Variants in SEC14L1 observed in about 807,000 individuals in gnomAD.
SEC14L1 encodes the protein SEC14-like protein 1.
Under a neutral mutation model 85.3 loss-of-function variants are expected in SEC14L1, and 48 were observed. The ratio of observed to expected loss-of-function variants is 0.56; its 90% CI spans 0.45 to 0.72. SEC14L1 has a LOEUF of 0.72. Ranked by LOEUF, SEC14L1 falls within the 30% of genes least tolerant of loss-of-function variation. SEC14L1 has a pLI of 0.00. For missense variants in SEC14L1, 682 were observed against 921.4 expected (o/e 0.74, Z 3.36); for synonymous variants, 391 against 355.5 (o/e 1.10, Z -1.12).
At chr17:77,145,578 G>GT (rs1480413858) in intron 3 of SEC14L1, among the ~76,000 whole-genome samples, 5 of 152,130 alleles carry the variant, frequency 3.3e-5, no homozygotes, top group Non-Finnish European at 1.5e-5. Context: ...ATTTTATGTT[G>GT]TTGACTTACC....
chr17:77,138,362 C>G (rs963952894), upstream of SEC14L1, among the ~76,000 whole-genome samples: 1 of 152,122 alleles, frequency 6.6e-6, no homozygotes. Flanking sequence ...TGGTTCACTC[C>G]TGTAATACCA....
At chr17:77,164,874 C>G (rs1370480328) in intron 3 of SEC14L1, among the ~76,000 whole-genome samples, 2 of 152,210 alleles carry the variant, frequency 1.3e-5, no homozygotes, top group Admixed American at 6.5e-5. Context: ...CCTCCCAGAA[C>G]TGTGGGAACA....
chr17:77,215,372 G>A lies in SEC14L1; in HGVS notation c.*1349G>A, dbSNP rs529215030. Reference sequence around the variant, plus strand: ...AACACGTGTTTCTGTGTGCAGCAGAGGCCGTGTTTTTCATGCCAAACCCCA... The same window carrying A: ...AACACGTGTTTCTGTGTGCAGCAGAAGCCGTGTTTTTCATGCCAAACCCCA... On this transcript the variant is annotated 3_prime_UTR_variant, in exon 17 of 17. Coordinates refer to ENST00000436233, the MANE Select transcript of SEC14L1 (RefSeq NM_001143998.2). 1.1e-4 allele frequency: 110 copies of A among 985,444 alleles called. No homozygotes were observed. In the African/African-American group the frequency reaches 1.9e-3, roughly 17 times the overall value. The allele number at this position is 985,444 out of a possible 1,614,324, so 61.0% of individuals were successfully genotyped here.
chr17:77,092,856 G>A (rs574588782), intron 2 of SEC14L1, among the ~76,000 whole-genome samples: 1 of 151,598 alleles, frequency 6.6e-6, no homozygotes, highest in South Asian at 2.1e-4. Context: ...GCTGAGGCAG[G>A]AGAATTGCTT....
intron 3 of SEC14L1, among the ~76,000 whole-genome samples, chr17:77,129,358 A>G (rs1443726943): frequency 2.6e-5 from 4 of 152,148 alleles, no homozygotes; most frequent in African/African-American, 7.2e-5. Context: ...AGGTGGCTCA[A>G]TCAGACCCAC....
chr17:77,172,372 C>T (rs904833073), intron 3 of SEC14L1, among the ~76,000 whole-genome samples: 8 of 152,148 alleles, frequency 5.3e-5, no homozygotes, highest in Admixed American at 3.9e-4. Context: ...ACACTTGAAG[C>T]ATTTGTTTTG....
chr17:77,182,206 G>T (rs1389420234), intron 3 of SEC14L1, among the ~76,000 whole-genome samples: 1 of 152,152 alleles, frequency 6.6e-6, no homozygotes, highest in Non-Finnish European at 1.5e-5. Flanking sequence ...TTTTGAATGG[G>T]TTTTTCTGGT....
rs2143256741 is a variant in SEC14L1 at position 77,215,636 on chromosome 17, C to T, written c.*1613C>T. ...CCAGGGCCTGTGCTGTGATCACCTGCCTTTGGACCACATTTGTGTTTGCTC... is the reference window on the plus strand; with the variant it reads ...CCAGGGCCTGTGCTGTGATCACCTGTCTTTGGACCACATTTGTGTTTGCTC... On this transcript the variant is annotated 3_prime_UTR_variant, in exon 17 of 17. Transcript: ENST00000436233. 3.0e-6 allele frequency: 3 copies of T among 990,836 alleles called. No homozygotes were observed. In the South Asian group the frequency reaches 1.3e-4, roughly 44 times the overall value. 61.4% of individuals were successfully genotyped at this position (990,836 alleles called of 1,614,324 possible).
chr17:77,163,416 A>G (rs1230043288), intron 3 of SEC14L1, among the ~76,000 whole-genome samples: 2 of 152,252 alleles, frequency 1.3e-5, no homozygotes, highest in South Asian at 2.1e-4. Flanking sequence ...CCAGCTCCCA[A>G]AAACTTCACT....
rs2280270 is a variant in SEC14L1 at position 77,209,480 on chromosome 17, C to G, written c.1611+4C>G. The G allele has an allele frequency of 5.6e-6, 9 of 1,613,128 alleles. No homozygotes were observed. Among genetic ancestry groups the G allele is most frequent in the Non-Finnish European group, 7.6e-6 (9 of 1,179,794 alleles). On this transcript the variant is annotated splice_donor_region_variant and intron_variant, in intron 14 of 16. Transcript: ENST00000436233. ...CTTCAAAGGAGCCCCACATGAGGTA[C>G]GTCCTCCGCCTTCCTGCACCTGGGC...
chr17:77,096,290 T>A (rs1971640772), intron 3 of SEC14L1, among the ~76,000 whole-genome samples: 1 of 150,730 alleles, frequency 6.6e-6, no homozygotes, highest in South Asian at 2.1e-4. Flanking sequence ...CTGGGTGTGG[T>A]GGCTCAAACC....
chr17:77,179,291 A>G (rs1404973747), intron 3 of SEC14L1, among the ~76,000 whole-genome samples: 1 of 152,202 alleles, frequency 6.6e-6, no homozygotes, highest in Admixed American at 6.5e-5. Flanking sequence ...GGGGTGGTAA[A>G]AAGAACCTAT....
At chr17:77,142,273 T>A (rs1973089470) in intron 1 of SEC14L1, among the ~76,000 whole-genome samples, 1 of 152,132 alleles carries the variant, frequency 6.6e-6, no homozygotes, top group Admixed American at 6.5e-5. Flanking sequence ...TAAACCTTAG[T>A]ACTATAGATG....
At chr17:77,099,899 C>T (rs1175145964) in intron 3 of SEC14L1, among the ~76,000 whole-genome samples, 3 of 151,968 alleles carry the variant, frequency 2.0e-5, no homozygotes, top group Non-Finnish European at 4.4e-5. Context: ...AGGCTTCATG[C>T]GTTTTTTGTT....
chr17:77,210,067 A>G (rs1364875254), intron 14 of SEC14L1: 2 of 151,956 alleles, frequency 1.3e-5, no homozygotes, highest in African/African-American at 4.8e-5. Context: ...GGTCTCGAAC[A>G]CCTGACCTCA....
chr17:77,197,203 G>A (rs1411039614), intron 8 of SEC14L1, among the ~76,000 whole-genome samples: 1 of 152,170 alleles, frequency 6.6e-6, no homozygotes, highest in Non-Finnish European at 1.5e-5. Context: ...GCAGGAGTTG[G>A]GGTCATGAAT....
intron 3 of SEC14L1, among the ~76,000 whole-genome samples, chr17:77,157,674 T>G (rs1361440505): frequency 6.6e-6 from 1 of 152,012 alleles, no homozygotes; most frequent in Non-Finnish European, 1.5e-5. Flanking sequence ...ATTACAGGCA[T>G]GCGCCACCAT....
rs773001508 is a variant in SEC14L1 at position 77,215,395 on chromosome 17, C to G, written c.*1372C>G. The G allele has an allele frequency of 1.6e-5, 16 of 985,294 alleles. No homozygotes were observed. Among genetic ancestry groups the G allele is most frequent in the Non-Finnish European group, 1.9e-5 (16 of 829,954 alleles). The allele number at this position is 985,294 out of a possible 1,614,324, so 61.0% of individuals were successfully genotyped here. On this transcript the variant is annotated 3_prime_UTR_variant, in exon 17 of 17. Transcript: ENST00000436233. Reference sequence around the variant, plus strand: ...GAGGCCGTGTTTTTCATGCCAAACCCCACGCGGCTGTCAACTGTGTGCGTG... The same window carrying G: ...GAGGCCGTGTTTTTCATGCCAAACCGCACGCGGCTGTCAACTGTGTGCGTG...
rs760790843 is a variant in SEC14L1, at chr17:77,213,728, G to A, written c.2043-190G>A. On this transcript the variant is annotated intron_variant, in intron 16 of 16. Transcript: ENST00000436233. The surrounding 1 kb of genome is among the most constrained non-coding windows in gnomAD (Gnocchi z 7.1). ...TGCCTTTGCTTTAGCTCACACTGCC[G>A]TCTGCGTGCAGGCTGTGGGAAGCCG... The A allele has an allele frequency of 4.9e-5, 43 of 870,428 alleles. 1 individual carries two copies. The highest frequency in any genetic ancestry group is 2.0e-4 in the Admixed American group (10 of 50,304). The allele number at this position is 870,428 out of a possible 1,614,324, so 53.9% of individuals were successfully genotyped here. A position where few individuals can be genotyped will look rare whatever the true frequency, so the allele number is the denominator to read the frequency against.
Sources: allele counts gnomAD v4.1 joint callset (sites outside exome capture counted in the v4.1 genomes callset), GRCh38; gene constraint gnomAD v4.1.1; non-coding constraint Gnocchi (gnomAD v3.1); transcripts MANE v1.5; gene names NCBI Gene and HGNC (gene_info 2026-07-23, HGNC 2026-07-21).